SPECC1: variants seen among roughly 807,000 people sequenced by gnomAD.
SPECC1 encodes the protein sperm antigen with calponin homology and coiled-coil domains 1, also known as cytospin-B.
SPECC1 carries 62 observed loss-of-function variants against 104.1 expected under a neutral mutation model. That is an observed-to-expected ratio of 0.60 (90% confidence interval 0.49 to 0.74). The LOEUF (loss-of-function observed/expected upper bound fraction) is 0.74, where lower values mean the gene tolerates loss of function less well. SPECC1 is among the 30% of genes least tolerant of loss of function. The pLI, the probability that SPECC1 is intolerant of heterozygous loss-of-function variation, is 0.00. For missense variants in SPECC1, 1,306 were observed against 1,310.5 expected (o/e 1.00, Z 0.05); for synonymous variants, 513 against 501.6 (o/e 1.02, Z -0.30).
At chr17:20,256,427 T>C (rs528800374) in intron 10 of SPECC1, among the ~76,000 whole-genome samples, 26 of 152,292 alleles carry the variant, frequency 1.7e-4, no homozygotes, top group African/African-American at 6.3e-4. Context: ...ATTAATGTGC[T>C]GTTCTTGTTG....
chr17:20,268,727 A>G (rs1324625422), intron 12 of SPECC1, among the ~76,000 whole-genome samples: 1 of 152,110 alleles, frequency 6.6e-6, no homozygotes, highest in South Asian at 2.1e-4. Flanking sequence ...TTGTCCTACA[A>G]CCTGTGACAA....
At chr17:20,107,811 C>T (rs1318208574) in intron 2 of SPECC1, among the ~76,000 whole-genome samples, 2 of 152,088 alleles carry the variant, frequency 1.3e-5, no homozygotes, top group African/African-American at 2.4e-5. Context: ...TAGGCATGAG[C>T]CACTGCGCTC....
intron 3 of SPECC1, among the ~76,000 whole-genome samples, chr17:20,144,043 T>C (rs1363462569): frequency 6.6e-6 from 1 of 152,168 alleles, no homozygotes; most frequent in Non-Finnish European, 1.5e-5. Context: ...GTGAGTTCAC[T>C]GAGAGTCCTC....
At chr17:20,249,543 A>T (rs1366649002) in intron 9 of SPECC1, among the ~76,000 whole-genome samples, 3 of 152,230 alleles carry the variant, frequency 2.0e-5, no homozygotes, top group African/African-American at 7.2e-5. Context: ...ATTATTAGAC[A>T]TAGACCCTAA....
intron 1 of SPECC1, among the ~76,000 whole-genome samples, chr17:20,035,710 C>A (rs1216881187): frequency 6.6e-6 from 1 of 152,144 alleles, no homozygotes; most frequent in African/African-American, 2.4e-5. Context: ...CAGCCTCAAA[C>A]TACTGACCTA....
intron 1 of SPECC1, among the ~76,000 whole-genome samples, chr17:20,091,569 C>T (rs968810872): frequency 6.6e-6 from 1 of 152,238 alleles, no homozygotes; most frequent in Non-Finnish European, 1.5e-5. Flanking sequence ...CACATTGCCA[C>T]GTGCCCATTG....
At chr17:20,165,029 GTTAAATTTAT>G (rs1016512336) in intron 3 of SPECC1, among the ~76,000 whole-genome samples, 2 of 151,960 alleles carry the variant, frequency 1.3e-5, no homozygotes, top group African/African-American at 4.8e-5. Flanking sequence ...TTTATTTTAA[GTTAAATTTAT>G]TTTAAAAAGT....
At chr17:20,266,372 G>A (rs1378425559) in intron 12 of SPECC1, among the ~76,000 whole-genome samples, 3 of 151,782 alleles carry the variant, frequency 2.0e-5, no homozygotes, top group Non-Finnish European at 2.9e-5. Flanking sequence ...TCACAAGGTC[G>A]GGAGATCGAC....
chr17:20,119,728 GTA>G (rs1215950540), intron 3 of SPECC1, among the ~76,000 whole-genome samples: 1 of 152,176 alleles, frequency 6.6e-6, no homozygotes, highest in Non-Finnish European at 1.5e-5. Context: ...CTCTACAGTT[GTA>G]TAGTATTGTT....
intron 3 of SPECC1, among the ~76,000 whole-genome samples, chr17:20,123,759 A>G (rs575004515): frequency 5.9e-5 from 9 of 152,256 alleles, no homozygotes; most frequent in African/African-American, 1.9e-4. Context: ...TAGAATTACT[A>G]TTACCGGTGA....
intron 1 of SPECC1, chr17:20,018,106 A>G (rs1416808678): frequency 6.6e-6 from 1 of 152,232 alleles, no homozygotes; most frequent in Non-Finnish European, 1.5e-5. Flanking sequence ...TCCCCAGGTA[A>G]TCACCTTGTC....
intron 3 of SPECC1, among the ~76,000 whole-genome samples, chr17:20,149,798 T>G (rs2031818799): frequency 6.6e-6 from 1 of 152,134 alleles, no homozygotes; most frequent in African/African-American, 2.4e-5. Flanking sequence ...CTTAGGCAAG[T>G]TACTCACCCT....
At position 20,295,533 on chromosome 17, in the gene SPECC1, C is replaced by T. The variant is rs531973716; in HGVS notation, c.2941-1428C>T. ...GATTTATAATCTTTTGGATATATGCCCAGTAATGGGATGGCTGGGTCAAAT... is the reference window on the plus strand; with the variant it reads ...GATTTATAATCTTTTGGATATATGCTCAGTAATGGGATGGCTGGGTCAAAT... On this transcript the variant is annotated intron_variant, in intron 12 of 14. Transcript: ENST00000395527. Among the ~76,000 whole-genome samples, 72 of 152,174 alleles carry T rather than the reference C, an allele frequency of 4.7e-4. 1 individual carries two copies. The South Asian group carries it at 0.014, about 30-fold the overall frequency.
chr17:20,052,853 A>G (rs1355565942), intron 1 of SPECC1, among the ~76,000 whole-genome samples: 2 of 152,254 alleles, frequency 1.3e-5, no homozygotes, highest in African/African-American at 4.8e-5. Flanking sequence ...GGTAACAACA[A>G]AATGGATTTG....
intron 12 of SPECC1, among the ~76,000 whole-genome samples, chr17:20,265,974 G>C (rs2040202601): frequency 6.6e-6 from 1 of 152,142 alleles, no homozygotes; most frequent in Non-Finnish European, 1.5e-5. Flanking sequence ...TTTGGTTACT[G>C]TAGCCTTAGA....
At chr17:20,013,760 C>G (rs1597560712) in intron 1 of SPECC1, among the ~76,000 whole-genome samples, 1 of 150,014 alleles carries the variant, frequency 6.7e-6, no homozygotes, top group East Asian at 2.0e-4. Context: ...GCCTTACCCG[C>G]CCAAAGTGCT....
At chr17:20,306,774 T>C (rs572482699) in intron 14 of SPECC1, among the ~76,000 whole-genome samples, 200 of 152,356 alleles carry the variant, frequency 1.3e-3, no homozygotes, top group Non-Finnish European at 2.3e-3. Context: ...CATGAAGCCC[T>C]TAGTATACTC....
intron 7 of SPECC1, among the ~76,000 whole-genome samples, chr17:20,232,669 T>C (rs1456128975): frequency 6.6e-6 from 1 of 152,184 alleles, no homozygotes; most frequent in Non-Finnish European, 1.5e-5. Context: ...GCTTAAAGAA[T>C]AGAAGTCCTG....
chr17:20,040,425 TTTC>T (rs1396272265), intron 1 of SPECC1, among the ~76,000 whole-genome samples: 1 of 152,216 alleles, frequency 6.6e-6, no homozygotes, highest in Admixed American at 6.5e-5. Context: ...ATGTTATTTC[TTTC>T]TTCTTGATGT....
Sources: gnomAD v4.1 joint callset for allele counts (sites outside exome capture counted in the v4.1 genomes callset) on GRCh38, gnomAD v4.1.1 for gene constraint, MANE v1.5 for transcripts, NCBI Gene and HGNC (gene_info 2026-07-23, HGNC 2026-07-21) for gene names.